The following HIVEP2 variants were observed in gnomAD, a reference collection of about 807,000 sequenced individuals.
HIVEP2 encodes HIVEP zinc finger 2.
HIVEP2 carries 14 observed loss-of-function variants against 180.7 expected under a neutral mutation model. That is an observed-to-expected ratio of 0.08 (90% confidence interval 0.05 to 0.12). The LOEUF (loss-of-function observed/expected upper bound fraction) is 0.12, where lower values mean the gene tolerates loss of function less well. HIVEP2 is among the 10% of genes least tolerant of loss of function. HIVEP2 has a pLI of 1.00. For synonymous variants in HIVEP2, 1,184 were observed against 1,136.4 expected, an observed-to-expected ratio of 1.04 and a Z score of -0.84; for missense variants, 2,579 against 3,008.5, an observed-to-expected ratio of 0.86 and a Z score of 3.34.
intron 1 of HIVEP2, among the ~76,000 whole-genome samples, chr6:142,853,138 T>G (rs1775732454): frequency 6.6e-6 from 1 of 152,214 alleles, no homozygotes; most frequent in South Asian, 2.1e-4. Context: ...CAGATTAAGT[T>G]CATTTGGCAC....
At chr6:142,820,134 C>T (rs1776988491) in intron 2 of HIVEP2, among the ~76,000 whole-genome samples, 1 of 152,166 alleles carries the variant, frequency 6.6e-6, no homozygotes, top group Non-Finnish European at 1.5e-5. Flanking sequence ...GATTTAATTG[C>T]TGATGGAAAC....
chr6:142,805,449 T>A (rs1021342964), intron 2 of HIVEP2, among the ~76,000 whole-genome samples: 1 of 142,812 alleles, frequency 7.0e-6, no homozygotes, highest in Non-Finnish European at 1.5e-5. Context: ...CTATCCCAAC[T>A]TGGGAACCTT....
chr6:142,859,280 C>A (rs1040417345), intron 1 of HIVEP2, among the ~76,000 whole-genome samples: 4 of 151,872 alleles, frequency 2.6e-5, no homozygotes, highest in African/African-American at 9.7e-5. Flanking sequence ...CCAGCCTGGG[C>A]AACAAAGGGA....
At chr6:142,765,082 C>T (rs1360825982) in intron 6 of HIVEP2, 108 bp from the exon 7 acceptor site, 2 of 984,882 alleles carry the variant, frequency 2.0e-6, no homozygotes, top group Non-Finnish European at 2.9e-6. Context: ...GGGTCTTTTG[C>T]AGACAATTAT....
At chr6:142,818,729 AAAGAAAAGAAAGAAAG>A (rs1776926109) in intron 2 of HIVEP2, among the ~76,000 whole-genome samples, 1 of 99,756 alleles carries the variant, frequency 1.0e-5, no homozygotes, top group African/African-American at 3.9e-5. Context: ...GAAAAGAAAG[AAAGAAAAGAAAGAAAG>A]AAAGAAAGAA....
intron 2 of HIVEP2, among the ~76,000 whole-genome samples, chr6:142,796,980 CT>C (rs1353646467): frequency 6.6e-6 from 1 of 152,100 alleles, no homozygotes; most frequent in Non-Finnish European, 1.5e-5. Flanking sequence ...GCATCTTTAC[CT>C]GTGTTTACAT....
In HIVEP2 at chr6:142,787,515, T is replaced by C. The variant is rs1256251489; in HGVS notation, c.-527-3900A>G. Among the ~76,000 whole-genome samples, 4 of 145,370 alleles carry C rather than the reference T, an allele frequency of 2.8e-5. No individual in the cohort carries two copies. The East Asian group carries it at 8.2e-4, about 30-fold the overall frequency. On this transcript the variant is annotated intron_variant, in intron 2 of 9. Transcript: ENST00000367603. ...CTGAAAGAGATATCAATGTTCAAGA[T>C]ATAATCCATCAATTTCACAAGCTTT...
chr6:142,762,721 G>A (rs1036595689), intron 7 of HIVEP2, among the ~76,000 whole-genome samples: 6 of 152,098 alleles, frequency 3.9e-5, no homozygotes, highest in African/African-American at 1.4e-4. Context: ...TGTTCAGCTT[G>A]CTGTTCATGT....
intron 1 of HIVEP2, among the ~76,000 whole-genome samples, chr6:142,862,643 AAT>A (rs1341237130): frequency 6.9e-6 from 1 of 144,332 alleles, no homozygotes; most frequent in Non-Finnish European, 1.5e-5. Flanking sequence ...TATGAAATGT[AAT>A]ATATATTGCA....
rs576021291 is a variant in HIVEP2, at chr6:142,813,775, C to T, written c.-528+23160G>A. Among the ~76,000 whole-genome samples the T allele has an allele frequency of 4.7e-4, 71 of 151,822 alleles. 2 individuals are homozygous for T. The South Asian group carries it at 7.3e-3, about 16-fold the overall frequency. ...AGAGACAAGGTCTCACTGTATTGCC[C>T]GGGCTGGTCTCGACTCCTGGACTCA... On this transcript the variant is annotated intron_variant, in intron 2 of 9. Coordinates refer to ENST00000367603, the MANE Select transcript of HIVEP2 (RefSeq NM_006734.4).
chr6:142,778,053 G>C (rs914568406), intron 3 of HIVEP2, among the ~76,000 whole-genome samples: 2 of 152,164 alleles, frequency 1.3e-5, no homozygotes, highest in African/African-American at 2.4e-5. Context: ...TAAGACATCT[G>C]TACTCAAAGA....
intron 2 of HIVEP2, among the ~76,000 whole-genome samples, chr6:142,804,777 T>A (rs988261706): frequency 6.6e-6 from 1 of 152,018 alleles, no homozygotes; most frequent in Non-Finnish European, 1.5e-5. Flanking sequence ...AAAGCTGACA[T>A]CCTTTTAACA....
intron 1 of HIVEP2, among the ~76,000 whole-genome samples, chr6:142,911,577 G>C (rs773462096): frequency 6.6e-6 from 1 of 152,194 alleles, no homozygotes; most frequent in Non-Finnish European, 1.5e-5. Context: ...AATCATCTGA[G>C]ACCCTTTTTT....
chr6:142,879,039 C>T (rs1021867465), intron 1 of HIVEP2, among the ~76,000 whole-genome samples: 1 of 152,128 alleles, frequency 6.6e-6, no homozygotes, highest in African/African-American at 2.4e-5. Flanking sequence ...TATATATCCT[C>T]ACTATCATAC....
intron 1 of HIVEP2, among the ~76,000 whole-genome samples, chr6:142,840,533 ATG>A (rs1775337228): frequency 1.3e-5 from 2 of 152,092 alleles, no homozygotes; most frequent in African/African-American, 4.8e-5. Flanking sequence ...TTTCACTGAG[ATG>A]TCCTCATAAT....
intron 2 of HIVEP2, among the ~76,000 whole-genome samples, chr6:142,789,706 C>T (rs1776092570): frequency 6.6e-6 from 1 of 152,144 alleles, no homozygotes; most frequent in Non-Finnish European, 1.5e-5. Flanking sequence ...ACACTACTTC[C>T]TCTTATTCAA....
intron 1 of HIVEP2, among the ~76,000 whole-genome samples, chr6:142,857,379 G>A (rs963617480): frequency 3.9e-5 from 6 of 152,154 alleles, no homozygotes; most frequent in Non-Finnish European, 7.4e-5. Flanking sequence ...TTCGCCAAAT[G>A]CTCTTATTTT....
intron 2 of HIVEP2, among the ~76,000 whole-genome samples, chr6:142,793,644 C>T (rs922727883): frequency 1.8e-4 from 6 of 34,276 alleles, no homozygotes; most frequent in Admixed American, 7.2e-4. Context: ...TTCTTTCTTT[C>T]TTTCTTTCTT....
At chr6:142,777,648 C>CAAA (rs58304452) in intron 3 of HIVEP2, among the ~76,000 whole-genome samples, 2 of 27,708 alleles carry the variant, frequency 7.2e-5, no homozygotes, top group African/African-American at 1.7e-4. Flanking sequence ...AACTCCATCT[C>CAAA]AAAAAAAAAA....
Sources: gnomAD v4.1 joint callset for allele counts (sites outside exome capture counted in the v4.1 genomes callset) on GRCh38, gnomAD v4.1.1 for gene constraint, MANE v1.5 for transcripts, NCBI Gene and HGNC (gene_info 2026-07-23, HGNC 2026-07-21) for gene names.